FAM135A: variants seen among roughly 807,000 people sequenced by gnomAD.
The protein encoded by FAM135A is protein FAM135A.
A neutral mutation model predicts 146.8 loss-of-function variants in FAM135A; 79 were observed. The ratio of observed to expected loss-of-function variants is 0.54; its 90% CI spans 0.45 to 0.65. The LOEUF (loss-of-function observed/expected upper bound fraction) is 0.65. FAM135A is among the 30% of genes least tolerant of loss of function. FAM135A has a pLI of 0.00. For synonymous variants in FAM135A, 562 were observed against 603.6 expected (o/e 0.93, Z 1.01); for missense variants, 1,623 against 1,758.2 (o/e 0.92, Z 1.38).
intron 12 of FAM135A, among the ~76,000 whole-genome samples, chr6:70,519,240 G>C (rs1202348334): frequency 6.6e-6 from 1 of 152,174 alleles, no homozygotes; most frequent in Admixed American, 6.5e-5. Context: ...TAGAAGTGGA[G>C]CCTGAAGATG....
chr6:70,430,397 G>A (rs1397258865), intron 4 of FAM135A, among the ~76,000 whole-genome samples: 2 of 152,082 alleles, frequency 1.3e-5, no homozygotes, highest in Non-Finnish European at 2.9e-5. Flanking sequence ...TTGACACACT[G>A]TTACTTCCAC....
intron 20 of FAM135A, among the ~76,000 whole-genome samples, chr6:70,539,898 A>C (rs1797535937): frequency 6.6e-6 from 1 of 152,176 alleles, no homozygotes; most frequent in Admixed American, 6.5e-5. Flanking sequence ...CGGGAGGCTG[A>C]GGCAGGAGAA....
rs771474187 is a variant in FAM135A at position 70,475,682 on chromosome 6, A to G, written c.317A>G (p.Glu106Gly). The G allele has an allele frequency of 2.7e-5, 41 of 1,492,304 alleles. No homozygotes were observed. The highest frequency in any genetic ancestry group is 3.5e-5 in the Non-Finnish European group (39 of 1,115,170). The allele number at this position is 1,492,304 out of a possible 1,614,324, so 92.4% of individuals were successfully genotyped here. A position where few individuals can be genotyped will look rare whatever the true frequency, so the allele number is the denominator to read the frequency against. The change falls in exon 7 of 22, where the codon GAA becomes GGA. Residue 106 changes from glutamate to glycine, a missense_variant. Coordinates refer to ENST00000418814, the MANE Select transcript of FAM135A (RefSeq NM_001162529.3). ...TTTCAGATTGAAGAAACCCTTGAGG[A>G]AATGAATTTTCTATTATCCTTGGAT... ...DERKIEETLE[E>G]MNFLLSLDLH...
At chr6:70,550,036 T>G (rs1050330341) in intron 20 of FAM135A, among the ~76,000 whole-genome samples, 2 of 152,212 alleles carry the variant, frequency 1.3e-5, no homozygotes, top group South Asian at 4.1e-4. Flanking sequence ...CTTCATCTAT[T>G]CAAGTTTGAT....
rs186164366 is a variant in FAM135A at position 70,466,403 on chromosome 6, A to G, written c.158-9007A>G. On this transcript the variant is annotated intron_variant, in intron 5 of 21. Coordinates refer to ENST00000418814, the MANE Select transcript of FAM135A (RefSeq NM_001162529.3). ...CAAGGAAATATCTGGTTGAGTTTGA[A>G]AAAAATTGAGTGGCAAGCACAAACC... Among the ~76,000 whole-genome samples, 6 of 152,292 alleles carry G rather than the reference A, an allele frequency of 3.9e-5. No homozygotes were observed. In the East Asian group the frequency reaches 7.7e-4, roughly 20 times the overall value.
intron 4 of FAM135A, among the ~76,000 whole-genome samples, chr6:70,451,591 A>G (rs1582206920): frequency 1.3e-5 from 2 of 152,238 alleles, no homozygotes; most frequent in South Asian, 4.1e-4. Context: ...CTGACCTTTC[A>G]TTTACTCTTT....
rs760360467 is a variant in FAM135A at position 70,528,430 on chromosome 6, T to C, written c.3753T>C (p.Ile1251=). 6.2e-6 allele frequency: 10 copies of C among 1,610,506 alleles called. No individual in the cohort carries two copies. In the South Asian group the frequency reaches 1.0e-4, roughly 16 times the overall value. ...GTTCTGAAGATGGAGTACATCTGAT[T>C]GTCTGTGTGCACGGTTTAGATGGTA... The part of the protein sequence containing the change: ...EDGSEDGVHL[I]VCVHGLDGNS... The change falls in exon 16 of 22, where the codon ATT becomes ATC. Residue 1251 remains isoleucine, a synonymous_variant. Coordinates refer to ENST00000418814, the MANE Select transcript of FAM135A (RefSeq NM_001162529.3).
intron 20 of FAM135A, among the ~76,000 whole-genome samples, chr6:70,553,573 A>G (rs1012569479): frequency 1.3e-5 from 2 of 152,190 alleles, no homozygotes; most frequent in Admixed American, 1.3e-4. Flanking sequence ...ATTTAATCTG[A>G]TACTTTAAAC....
chr6:70,554,559 C>G (rs1800460927), intron 20 of FAM135A, among the ~76,000 whole-genome samples: 1 of 152,128 alleles, frequency 6.6e-6, no homozygotes. Context: ...AACACTGTGC[C>G]AAGAAATGGG....
At chr6:70,554,260 C>A (rs888264654) in intron 20 of FAM135A, among the ~76,000 whole-genome samples, 5 of 152,196 alleles carry the variant, frequency 3.3e-5, no homozygotes, top group African/African-American at 1.2e-4. Flanking sequence ...AAGATGATTT[C>A]TCAGTTACTT....
chr6:70,481,322 T>C (rs976011540), intron 9 of FAM135A, among the ~76,000 whole-genome samples: 1 of 152,134 alleles, frequency 6.6e-6, no homozygotes, highest in African/African-American at 2.4e-5. Context: ...AAAGGAGCCT[T>C]TAAAGAACAA....
At chr6:70,450,718 T>TG (rs1776862078) in intron 4 of FAM135A, among the ~76,000 whole-genome samples, 1 of 41,226 alleles carries the variant, frequency 2.4e-5, no homozygotes, top group East Asian at 5.7e-4. Flanking sequence ...TTTTAGTTGT[T>TG]TTTTTTTTTT....
chr6:70,469,860 C>T (rs1781234710), intron 5 of FAM135A, among the ~76,000 whole-genome samples: 1 of 151,880 alleles, frequency 6.6e-6, no homozygotes, highest in Non-Finnish European at 1.5e-5. Context: ...GACCTCATCT[C>T]TACAAAAAAT....
At position 70,429,650 on chromosome 6, in the gene FAM135A, T is replaced by C. The variant is rs113655461; in HGVS notation, c.77+1231T>C. Among the ~76,000 whole-genome samples, 1,176 of 151,972 alleles carry C rather than the reference T, an allele frequency of 7.7e-3. 10 individuals are homozygous for C. The highest frequency in any genetic ancestry group is 0.013 in the Non-Finnish European group (870 of 67,946). On this transcript the variant is annotated intron_variant, in intron 4 of 21. Coordinates refer to ENST00000418814, the MANE Select transcript of FAM135A (RefSeq NM_001162529.3). The stretch of plus-strand genomic sequence containing the variant: ...AAAGACTTTAATGTCTAGAGAAGAG[T>C]TGACACTAGGGATTTGGGTAACCAT...
intron 4 of FAM135A, among the ~76,000 whole-genome samples, chr6:70,438,633 C>T (rs1301670275): frequency 6.6e-6 from 1 of 152,148 alleles, no homozygotes; most frequent in Non-Finnish European, 1.5e-5. Context: ...TGCAAGAGTA[C>T]TGTTGCTGAC....
At chr6:70,522,869 C>G (rs1419423410) in intron 13 of FAM135A, among the ~76,000 whole-genome samples, 3 of 152,092 alleles carry the variant, frequency 2.0e-5, no homozygotes, top group Non-Finnish European at 4.4e-5. Flanking sequence ...TGGCTGTAGC[C>G]TTCCATTTAG....
intron 11 of FAM135A, among the ~76,000 whole-genome samples, chr6:70,500,094 C>T (rs998733168): frequency 6.6e-6 from 1 of 152,194 alleles, no homozygotes; most frequent in African/African-American, 2.4e-5. Context: ...GTTCCATTCT[C>T]CCTGTCACTT....
chr6:70,513,682 T>C (rs1178021245), intron 12 of FAM135A, among the ~76,000 whole-genome samples: 1 of 152,092 alleles, frequency 6.6e-6, no homozygotes, highest in Admixed American at 6.5e-5. Flanking sequence ...AGAAGTATAA[T>C]TGATTTTTGC....
chr6:70,529,369 T>G (rs1795345017), intron 16 of FAM135A, among the ~76,000 whole-genome samples: 1 of 151,466 alleles, frequency 6.6e-6, no homozygotes, highest in Non-Finnish European at 1.5e-5. Context: ...AACTAGATTT[T>G]TGTGGATTAT....
Sources: allele counts gnomAD v4.1 joint callset (sites outside exome capture counted in the v4.1 genomes callset), GRCh38; gene constraint gnomAD v4.1.1; transcripts MANE v1.5; gene names NCBI Gene and HGNC (gene_info 2026-07-23, HGNC 2026-07-21).